Variants in TAFA1 observed in about 807,000 individuals in gnomAD.
TAFA1 encodes chemokine-like protein TAFA-1.
In TAFA1, 4 loss-of-function variants were observed where a neutral mutation model predicts 18.5. The observed-to-expected ratio is 0.22, with a 90% CI of 0.11 to 0.49. The LOEUF is 0.49. Ranked by LOEUF, TAFA1 falls within the 20% of genes least tolerant of loss-of-function variation. TAFA1 has a pLI of 0.98. For missense variants in TAFA1, 147 were observed against 169.0 expected, an observed-to-expected ratio of 0.87 and a Z score of 0.72; for synonymous variants, 56 against 55.2, an observed-to-expected ratio of 1.01 and a Z score of -0.06.
rs575729944 is a variant in TAFA1, at chr3:68,174,744, A to G, written c.118+168000A>G. ...TTTGTAGCCTAACAATGCGATAGAAAAGAAAATACCATTTTCTGAGGAGAA... is the reference window on the plus strand; with the variant it reads ...TTTGTAGCCTAACAATGCGATAGAAGAGAAAATACCATTTTCTGAGGAGAA... On this transcript the variant is annotated intron_variant, in intron 2 of 4. Coordinates refer to ENST00000478136, the MANE Select transcript of TAFA1 (RefSeq NM_213609.4). Among the ~76,000 whole-genome samples, 7 of 152,360 alleles carry G rather than the reference A, an allele frequency of 4.6e-5. No homozygotes were observed. The South Asian group carries it at 1.0e-3, about 23-fold the overall frequency.
At chr3:68,168,161 G>A (rs200870254) in intron 2 of TAFA1, among the ~76,000 whole-genome samples, 365 of 62,704 alleles carry the variant, frequency 5.8e-3, no homozygotes, top group East Asian at 0.012. Context: ...AAAAAAAAAA[G>A]AAGGCTTGAT....
upstream of TAFA1, among the ~76,000 whole-genome samples, chr3:68,000,684 G>A (rs750292133): frequency 6.6e-6 from 1 of 152,142 alleles, no homozygotes; most frequent in Admixed American, 6.5e-5. Context: ...ATGCAGAGTC[G>A]GGGAGACACA....
intron 3 of TAFA1, among the ~76,000 whole-genome samples, chr3:68,467,128 C>A (rs77935339): frequency 1.3e-5 from 2 of 152,272 alleles, no homozygotes; most frequent in East Asian, 3.9e-4. Context: ...TTAAGGTTAT[C>A]TCCCTTGTTC....
Position 68,281,317 on chromosome 3 carries a change from G to GT in TAFA1, c.119-135955dup, listed in dbSNP as rs911843835. On this transcript the variant is annotated intron_variant, in intron 2 of 4. Transcript: ENST00000478136. ...CCACAAAAAGAAAATACTATACCAT[G>GT]TTTTTTTTGAGATTATCTTTATACC... Among the ~76,000 whole-genome samples the GT allele has an allele frequency of 1.1e-4, 17 of 151,584 alleles. 1 individual carries two copies. The highest frequency in any genetic ancestry group is 1.9e-4 in the African/African-American group (8 of 41,332).
At chr3:68,106,897 A>G (rs2065210685) in intron 2 of TAFA1, among the ~76,000 whole-genome samples, 1 of 152,178 alleles carries the variant, frequency 6.6e-6, no homozygotes, top group African/African-American at 2.4e-5. Context: ...CTCTAAAAGA[A>G]TGGCTAAAAT....
At chr3:68,154,409 G>A (rs1480797663) in intron 2 of TAFA1, among the ~76,000 whole-genome samples, 1 of 152,148 alleles carries the variant, frequency 6.6e-6, no homozygotes, top group East Asian at 1.9e-4. Context: ...AGTGGGTTTG[G>A]TGAGCATTCA....
intron 2 of TAFA1, among the ~76,000 whole-genome samples, chr3:68,312,796 C>T (rs1844888): frequency 0.053 from 8,034 of 152,284 alleles, 708 homozygotes; most frequent in African/African-American, 0.18. Context: ...ATCTTTTCAT[C>T]AGCACCCCAC....
chr3:68,493,701 T>C (rs1232459147), intron 3 of TAFA1, among the ~76,000 whole-genome samples: 1 of 152,234 alleles, frequency 6.6e-6, no homozygotes, highest in Non-Finnish European at 1.5e-5. Context: ...TTTGGTTTTT[T>C]AAACAAATAG....
chr3:68,350,746 G>T (rs2069252192), intron 2 of TAFA1, among the ~76,000 whole-genome samples: 1 of 152,064 alleles, frequency 6.6e-6, no homozygotes, highest in Admixed American at 6.6e-5. Flanking sequence ...TGATGAAGAG[G>T]TTGTTTATCT....
intron 2 of TAFA1, among the ~76,000 whole-genome samples, chr3:68,370,452 ATATGTG>A (rs1463727004): frequency 7.3e-5 from 2 of 27,276 alleles, no homozygotes; most frequent in Non-Finnish European, 1.3e-4. Flanking sequence ...ATATGTATAT[ATATGTG>A]TGTGTGTGTG....
chr3:68,223,250 A>G (rs944838753), intron 2 of TAFA1, among the ~76,000 whole-genome samples: 5 of 152,154 alleles, frequency 3.3e-5, no homozygotes, highest in Admixed American at 2.6e-4. Flanking sequence ...ACTTCTCAAT[A>G]TTTCCACTTA....
chr3:68,258,884 AT>A (rs1323504925), intron 2 of TAFA1, among the ~76,000 whole-genome samples: 3 of 152,302 alleles, frequency 2.0e-5, no homozygotes, highest in Admixed American at 2.0e-4. Flanking sequence ...AACAAGTGCC[AT>A]TTTCAAGTCG....
chr3:68,062,485 T>C (rs1047845421), intron 2 of TAFA1, among the ~76,000 whole-genome samples: 2 of 152,140 alleles, frequency 1.3e-5, no homozygotes, highest in Admixed American at 6.6e-5. Context: ...CTTGGGAAAG[T>C]GAACACCAAA....
chr3:68,510,993 G>C (rs2072837616), intron 3 of TAFA1, among the ~76,000 whole-genome samples: 1 of 152,030 alleles, frequency 6.6e-6, no homozygotes, highest in Non-Finnish European at 1.5e-5. Flanking sequence ...GTCTGTTCTT[G>C]CTTATTCAAA....
At chr3:68,329,045 G>A (rs2068819238) in intron 2 of TAFA1, among the ~76,000 whole-genome samples, 2 of 150,360 alleles carry the variant, frequency 1.3e-5, no homozygotes, top group Non-Finnish European at 1.5e-5. Flanking sequence ...TCTCTCCCAA[G>A]CCTCCTTAGA....
At chr3:68,254,567 ATAC>A (rs2067262008) in intron 2 of TAFA1, among the ~76,000 whole-genome samples, 1 of 152,088 alleles carries the variant, frequency 6.6e-6, no homozygotes, top group Non-Finnish European at 1.5e-5. Flanking sequence ...TTTCTAAATA[ATAC>A]TACTGGAATC....
chr3:68,299,947 G>A (rs1341110192), intron 2 of TAFA1, among the ~76,000 whole-genome samples: 1 of 152,238 alleles, frequency 6.6e-6, no homozygotes, highest in Non-Finnish European at 1.5e-5. Context: ...AAATGTCCAG[G>A]AGAAGTTTGC....
intron 2 of TAFA1, among the ~76,000 whole-genome samples, chr3:68,359,153 T>A (rs1174871094): frequency 6.6e-6 from 1 of 152,050 alleles, no homozygotes; most frequent in African/African-American, 2.4e-5. Context: ...TTTTTATTGT[T>A]CACATATCAT....
intron 2 of TAFA1, among the ~76,000 whole-genome samples, chr3:68,057,269 A>G (rs957282721): frequency 5.9e-5 from 9 of 152,192 alleles, no homozygotes; most frequent in Non-Finnish European, 1.5e-5. Flanking sequence ...TATCTATGTT[A>G]TGGGGCCGAA....
Sources: gnomAD v4.1 joint callset for allele counts (sites outside exome capture counted in the v4.1 genomes callset) on GRCh38, gnomAD v4.1.1 for gene constraint, MANE v1.5 for transcripts, NCBI Gene and HGNC (gene_info 2026-07-23, HGNC 2026-07-21) for gene names.